Variants in MLKL observed in about 807,000 individuals in gnomAD.
MLKL encodes mixed lineage kinase domain-like protein.
Under a neutral mutation model 56.5 loss-of-function variants are expected in MLKL, and 55 were observed. That is an observed-to-expected ratio of 0.97 (90% CI 0.78 to 1.22). The LOEUF (loss-of-function observed/expected upper bound fraction) is 1.22. MLKL is among the 50% of genes most tolerant of loss of function. The pLI is 0.00. For missense variants in MLKL, 694 were observed against 573.9 expected (o/e 1.21, Z -2.14); for synonymous variants, 251 against 208.3 (o/e 1.20, Z -1.76).
chr16:74,675,918 G>C (rs1959569002), intron 7 of MLKL, 154 bp from the exon 8 acceptor site: 2 of 772,900 alleles, frequency 2.6e-6, no homozygotes, highest in African/African-American at 1.8e-5. Context: ...CTACTTTATT[G>C]GTTAACATTA....
chr16:74,673,389 T>C (rs1333087217), intron 10 of MLKL, among the ~76,000 whole-genome samples: 1 of 152,160 alleles, frequency 6.6e-6, no homozygotes, highest in East Asian at 1.9e-4. Context: ...AGCTATTTTT[T>C]GTATTTTTAG....
chr16:74,684,092 C>T (rs1960167925), intron 5 of MLKL, among the ~76,000 whole-genome samples: 2 of 151,814 alleles, frequency 1.3e-5, no homozygotes, highest in Admixed American at 6.6e-5. Flanking sequence ...GGACTACAGG[C>T]ACCCACCACC....
chr16:74,675,528 G>C (rs1567599313), intron 8 of MLKL, 85 bp downstream of exon 8: 1 of 1,568,626 alleles, frequency 6.4e-7, no homozygotes, highest in East Asian at 2.2e-5. Flanking sequence ...ACAGAGTTGA[G>C]TTTAGGTGGT....
intron 4 of MLKL, among the ~76,000 whole-genome samples, chr16:74,687,540 T>A (rs946997967): frequency 2.6e-5 from 4 of 152,196 alleles, no homozygotes; most frequent in African/African-American, 7.2e-5. Context: ...AGACTTATAC[T>A]TCTCAATTTC....
intron 2 of MLKL, among the ~76,000 whole-genome samples, 199 bp downstream of exon 2, chr16:74,695,099 C>G (rs1214411776): frequency 6.6e-6 from 1 of 152,194 alleles, no homozygotes. Context: ...GTCTCAGTCT[C>G]CTGACCTAGT....
In MLKL at chr16:74,672,516, G is replaced by T; in HGVS notation, c.1404C>A (p.Thr468=). 3 of 1,613,926 alleles carry T rather than the reference G, an allele frequency of 1.9e-6. No individual in the cohort carries two copies. Among genetic ancestry groups the T allele is most frequent in the Non-Finnish European group, 2.5e-6 (3 of 1,179,862 alleles). The change falls in exon 11 of 11, where the codon ACC becomes ACA. Residue 468 remains threonine (T), a synonymous_variant. Coordinates refer to ENST00000308807, the MANE Select transcript of MLKL (RefSeq NM_152649.4). ...SVDEILKKLS[T]FSK ...AGATTTTGATACACTACTTAGAAAA[G>T]GTGGAGAGTTTCTTTAAGATTTCTG...
At chr16:74,690,263 G>T (rs928314007) in intron 4 of MLKL, among the ~76,000 whole-genome samples, 1 of 152,206 alleles carries the variant, frequency 6.6e-6, no homozygotes, top group Admixed American at 6.5e-5. Flanking sequence ...CAGAAAGCTG[G>T]ATAACACTAA....
intron 2 of MLKL, among the ~76,000 whole-genome samples, chr16:74,694,215 T>C (rs1312214042): frequency 6.6e-6 from 1 of 152,150 alleles, no homozygotes; most frequent in African/African-American, 2.4e-5. Context: ...AACTGGTAGA[T>C]TGTGTGATTG....
At chr16:74,694,292 T>C (rs910104697) in intron 2 of MLKL, among the ~76,000 whole-genome samples, 2 of 152,222 alleles carry the variant, frequency 1.3e-5, no homozygotes, top group African/African-American at 4.8e-5. Context: ...TCATTTTGTC[T>C]ATATGGTTTC....
chr16:74,693,212 T>C (rs1443274486), intron 2 of MLKL, among the ~76,000 whole-genome samples: 5 of 151,942 alleles, frequency 3.3e-5, no homozygotes, highest in Admixed American at 1.3e-4. Context: ...CCTAGCACTT[T>C]GGGAGGCCGA....
chr16:74,697,251 T>A lies in MLKL; in HGVS notation c.-2-1492A>T, dbSNP rs1346836782. Among the ~76,000 whole-genome samples the A allele has an allele frequency of 2.6e-5, 4 of 151,970 alleles. No homozygotes were observed. In the East Asian group the frequency reaches 7.7e-4, roughly 29 times the overall value. On this transcript the variant is annotated intron_variant, in intron 1 of 10. Coordinates refer to ENST00000308807, the MANE Select transcript of MLKL (RefSeq NM_152649.4). ...CCTAAAGCTTGGAATGAGGCTAACC[T>A]GAGCATGGTAGAATGGAAAGGGAGA...
chr16:74,687,825 C>A (rs750563643), intron 4 of MLKL, among the ~76,000 whole-genome samples: 2 of 151,836 alleles, frequency 1.3e-5, no homozygotes, highest in Non-Finnish European at 2.9e-5. Flanking sequence ...CCTGCCACCA[C>A]GCCTGGCTAT....
chr16:74,691,551 G>T, intron 3 of MLKL, 88 bp from the exon 4 acceptor site: 1 of 1,398,612 alleles, frequency 7.1e-7, no homozygotes. Flanking sequence ...TGTGATGTGT[G>T]AGTGGGAAGC....
intron 2 of MLKL, 50 bp from the exon 3 acceptor site, chr16:74,692,466 C>A (rs776898370): frequency 6.8e-7 from 1 of 1,466,736 alleles, no homozygotes; most frequent in South Asian, 1.2e-5. Flanking sequence ...TAAAATCACA[C>A]GCCAATCAAA....
At chr16:74,674,153 A>AT (rs1370197862) in intron 10 of MLKL, among the ~76,000 whole-genome samples, 1 of 127,352 alleles carries the variant, frequency 7.9e-6, no homozygotes, top group Non-Finnish European at 1.6e-5. Context: ...GTTGAATAGC[A>AT]TTCTTTTTTT....
intron 6 of MLKL, among the ~76,000 whole-genome samples, chr16:74,681,686 C>T (rs900230458): frequency 1.7e-4 from 26 of 151,682 alleles, no homozygotes; most frequent in Admixed American, 3.9e-4. Context: ...CCCAGCTACT[C>T]GGGAGGCTAA....
chr16:74,681,870 A>T (rs941727378), intron 6 of MLKL, among the ~76,000 whole-genome samples: 11 of 152,186 alleles, frequency 7.2e-5, no homozygotes, highest in Non-Finnish European at 1.5e-5. Flanking sequence ...ATGAATATAT[A>T]GATTCACGTA....
intron 5 of MLKL, among the ~76,000 whole-genome samples, chr16:74,684,140 G>A (rs554317338): frequency 2.6e-5 from 4 of 151,892 alleles, no homozygotes; most frequent in Non-Finnish European, 5.9e-5. Flanking sequence ...TAGAGACAGG[G>A]TTTTATCATG....
intron 2 of MLKL, 59 bp downstream of exon 2, chr16:74,695,239 A>C: frequency 6.6e-7 from 1 of 1,519,702 alleles, no homozygotes; most frequent in Admixed American, 1.7e-5. Context: ...TTGGTAAATT[A>C]AAGTGAGACT....
Sources: allele counts gnomAD v4.1 joint callset (sites outside exome capture counted in the v4.1 genomes callset), GRCh38; gene constraint gnomAD v4.1.1; transcripts MANE v1.5; gene names NCBI Gene and HGNC (gene_info 2026-07-23, HGNC 2026-07-21).